Variants in SUMF1 observed in about 807,000 individuals in gnomAD.
SUMF1 encodes formylglycine-generating enzyme.
Under a neutral mutation model 47.6 loss-of-function variants are expected in SUMF1, and 48 were observed. The ratio of observed to expected loss-of-function variants is 1.01; its 90% confidence interval spans 0.80 to 1.28. SUMF1 has a LOEUF of 1.28. SUMF1 is among the 50% of genes most tolerant of loss of function. The pLI is 0.00. For synonymous variants in SUMF1, 230 were observed against 192.1 expected, an observed-to-expected ratio of 1.20 and a Z score of -1.63; for missense variants, 571 against 485.4, an observed-to-expected ratio of 1.18 and a Z score of -1.66.
chr3:4,242,963 G>A (rs1490999196), intron 8 of SUMF1, among the ~76,000 whole-genome samples: 2 of 152,158 alleles, frequency 1.3e-5, no homozygotes, highest in Non-Finnish European at 2.9e-5. Context: ...CCTGTTATTG[G>A]TCTATTCAGA....
chr3:4,410,051 T>C (rs777919760), intron 7 of SUMF1, among the ~76,000 whole-genome samples: 2 of 152,234 alleles, frequency 1.3e-5, no homozygotes, highest in Non-Finnish European at 2.9e-5. Flanking sequence ...GTTATAAATA[T>C]ACATTCTTGG....
intron 8 of SUMF1, among the ~76,000 whole-genome samples, chr3:4,235,224 A>G (rs1383752914): frequency 1.3e-5 from 2 of 152,132 alleles, no homozygotes; most frequent in Non-Finnish European, 2.9e-5. Flanking sequence ...ATAAAGGGGG[A>G]TAAGGGAGAG....
rs79004730 is a variant in SUMF1 at position 4,373,742 on chromosome 3, G to C, written c.1014+2588C>G. Among the ~76,000 whole-genome samples, 575 of 152,080 alleles carry C rather than the reference G, an allele frequency of 3.8e-3. 5 individuals are homozygous for C. Among genetic ancestry groups the C allele is most frequent in the African/African-American group, 0.013 (549 of 41,486 alleles). On this transcript the variant is annotated intron_variant, in intron 8 of 8. Transcript: ENST00000272902. ...TACCCTGAAACCAAAATCAGATAAA[G>C]ACATTACAAGAAAACACAGAATAAA...
chr3:4,460,121 A>T (rs1031616622), intron 1 of SUMF1, among the ~76,000 whole-genome samples: 2 of 152,228 alleles, frequency 1.3e-5, no homozygotes, highest in African/African-American at 4.8e-5. Context: ...CAAGGTGCAC[A>T]AATGCTAAGT....
At chr3:4,407,245 T>C (rs898562240) in intron 7 of SUMF1, among the ~76,000 whole-genome samples, 11 of 152,210 alleles carry the variant, frequency 7.2e-5, no homozygotes, top group African/African-American at 2.7e-4. Flanking sequence ...TAAAAACTAA[T>C]GATTAACTTT....
chr3:4,248,702 C>A (rs1223336247), intron 8 of SUMF1, among the ~76,000 whole-genome samples: 2 of 152,154 alleles, frequency 1.3e-5, no homozygotes, highest in African/African-American at 4.8e-5. Context: ...CACCTGGAAT[C>A]CCAGGGAAAT....
At chr3:4,253,311 C>T (rs376888463) in intron 8 of SUMF1, among the ~76,000 whole-genome samples, 12 of 152,276 alleles carry the variant, frequency 7.9e-5, no homozygotes, top group Admixed American at 3.9e-4. Flanking sequence ...GCGTGAGTGA[C>T]GCAGAAGACA....
intron 8 of SUMF1, 27 bp from the exon 9 acceptor site, chr3:4,362,281 G>A (rs1699790831): frequency 1.3e-6 from 2 of 1,592,306 alleles, no homozygotes; most frequent in Non-Finnish European, 1.7e-6. Flanking sequence ...AGCAAGGTAA[G>A]TGCTACTGGG....
chr3:4,455,756 A>T (rs1004493651), intron 1 of SUMF1, among the ~76,000 whole-genome samples: 1 of 152,142 alleles, frequency 6.6e-6, no homozygotes. Context: ...CATCAAGAAA[A>T]GCCCAGAACC....
chr3:4,409,959 T>G (rs914970501), intron 7 of SUMF1, among the ~76,000 whole-genome samples: 6 of 152,228 alleles, frequency 3.9e-5, no homozygotes, highest in African/African-American at 1.4e-4. Context: ...AGAATTAATT[T>G]TCTTTATCAT....
intron 9 of SUMF1, among the ~76,000 whole-genome samples, chr3:4,047,454 T>C (rs140017973): frequency 1.9e-4 from 29 of 152,280 alleles, no homozygotes; most frequent in Non-Finnish European, 3.8e-4. Flanking sequence ...TCACATTCTT[T>C]GCATCCACAG....
intron 8 of SUMF1, among the ~76,000 whole-genome samples, chr3:4,103,079 C>T (rs541880205): frequency 3.3e-5 from 5 of 151,636 alleles, no homozygotes; most frequent in Non-Finnish European, 5.9e-5. Flanking sequence ...CCTGCCACCA[C>T]ATCTGGCTAA....
At position 4,330,681 on chromosome 3, in the gene SUMF1, G is replaced by T. The variant is rs565003994; in HGVS notation, c.1014+45649C>A. Among the ~76,000 whole-genome samples, 84 of 152,258 alleles carry T rather than the reference G, an allele frequency of 5.5e-4. No individual in the cohort carries two copies. The Middle Eastern group carries it at 0.014, about 25-fold the overall frequency. On this transcript the variant is annotated intron_variant and NMD_transcript_variant, in intron 8 of 12. Coordinates refer to the SUMF1 transcript ENST00000448413. Reference sequence around the variant, plus strand: ...AGACAGCATGAGGCCAGATGAATTTGTCACTCAACTGTCTTTTTTTCCAGC... The same window carrying T: ...AGACAGCATGAGGCCAGATGAATTTTTCACTCAACTGTCTTTTTTTCCAGC...
At chr3:4,427,356 T>C (rs1231176768) in intron 3 of SUMF1, among the ~76,000 whole-genome samples, 1 of 152,124 alleles carries the variant, frequency 6.6e-6, no homozygotes, top group Non-Finnish European at 1.5e-5. Flanking sequence ...AATGAGAAAT[T>C]ACAGATCTGC....
At chr3:4,111,184 T>C (rs1199441489) in intron 8 of SUMF1, among the ~76,000 whole-genome samples, 2 of 151,904 alleles carry the variant, frequency 1.3e-5, no homozygotes, top group African/African-American at 4.8e-5. Flanking sequence ...AGTCCCACAG[T>C]TGGCCTAGTG....
chr3:4,053,095 A>G (rs934952828), intron 9 of SUMF1, among the ~76,000 whole-genome samples: 2 of 152,186 alleles, frequency 1.3e-5, no homozygotes, highest in Non-Finnish European at 2.9e-5. Context: ...AAAGTGAGAC[A>G]CACATGATTC....
chr3:4,074,197 G>A (rs898027255), intron 8 of SUMF1, among the ~76,000 whole-genome samples: 19 of 152,198 alleles, frequency 1.2e-4, no homozygotes, highest in African/African-American at 4.6e-4. Flanking sequence ...ACTCAAAACT[G>A]CATGACTACA....
At chr3:4,201,557 G>T (rs183678506) in intron 8 of SUMF1, among the ~76,000 whole-genome samples, 5 of 152,226 alleles carry the variant, frequency 3.3e-5, no homozygotes, top group African/African-American at 4.8e-5. Flanking sequence ...GATGGAAACA[G>T]GTTGATTGCA....
At chr3:4,267,251 G>A (rs575978811) in intron 8 of SUMF1, among the ~76,000 whole-genome samples, 1 of 152,240 alleles carries the variant, frequency 6.6e-6, no homozygotes, top group East Asian at 1.9e-4. Flanking sequence ...AAATGAGTTA[G>A]GGAGGTTTCC....
Sources: allele counts gnomAD v4.1 joint callset (sites outside exome capture counted in the v4.1 genomes callset), GRCh38; gene constraint gnomAD v4.1.1; transcripts MANE v1.5; gene names NCBI Gene and HGNC (gene_info 2026-07-23, HGNC 2026-07-21).